ZNF385D: variants seen among roughly 807,000 people sequenced by gnomAD.
The protein encoded by ZNF385D is zinc finger protein 385D.
A neutral mutation model predicts 35.8 loss-of-function variants in ZNF385D; 15 were observed. The ratio of observed to expected loss-of-function variants is 0.42; its 90% CI spans 0.28 to 0.64. The LOEUF (loss-of-function observed/expected upper bound fraction) is 0.64, where lower values mean the gene tolerates loss of function less well. ZNF385D is among the 30% of genes least tolerant of loss of function. ZNF385D has a pLI of 0.23. For missense variants in ZNF385D, 474 were observed against 494.6 expected (o/e 0.96, Z 0.39); for synonymous variants, 212 against 186.8 (o/e 1.13, Z -1.10).
At chr3:21,859,929 C>G (rs1208196077) in intron 3 of ZNF385D, among the ~76,000 whole-genome samples, 2 of 151,916 alleles carry the variant, frequency 1.3e-5, no homozygotes, top group African/African-American at 2.4e-5. Flanking sequence ...GAGGATGTCA[C>G]GCTCTGCATC....
intron 3 of ZNF385D, among the ~76,000 whole-genome samples, chr3:21,908,055 A>G (rs758958826): frequency 6.6e-6 from 1 of 152,130 alleles, no homozygotes; most frequent in Non-Finnish European, 1.5e-5. Context: ...TTAAAACATT[A>G]CTGATAGTAA....
chr3:21,704,467 C>T (rs139426169), intron 1 of ZNF385D, among the ~76,000 whole-genome samples: 3 of 152,164 alleles, frequency 2.0e-5, no homozygotes, highest in Middle Eastern at 3.4e-3. Flanking sequence ...CATGTTATTT[C>T]ATAGCCTTTA....
intron 3 of ZNF385D, among the ~76,000 whole-genome samples, chr3:21,903,837 G>A (rs1319547880): frequency 1.3e-5 from 2 of 152,064 alleles, no homozygotes; most frequent in African/African-American, 4.8e-5. Context: ...GTGAGAAACT[G>A]GGGGTGATAA....
chr3:21,511,436 A>G (rs534753990), intron 3 of ZNF385D, among the ~76,000 whole-genome samples: 56 of 152,296 alleles, frequency 3.7e-4, no homozygotes, highest in African/African-American at 1.3e-3. Flanking sequence ...TTCTCTTTCT[A>G]CAATGTGTCT....
At chr3:21,599,199 TC>T (rs571320608) in intron 2 of ZNF385D, among the ~76,000 whole-genome samples, 38 of 152,196 alleles carry the variant, frequency 2.5e-4, no homozygotes, top group Non-Finnish European at 5.3e-4. Context: ...AGCCATTTGA[TC>T]AATTTGGCTG....
intron 3 of ZNF385D, among the ~76,000 whole-genome samples, chr3:22,129,065 T>C (rs1276925680): frequency 6.6e-6 from 1 of 152,196 alleles, no homozygotes; most frequent in East Asian, 1.9e-4. Flanking sequence ...GCCCAGCAAC[T>C]CTAAGACTCT....
intron 2 of ZNF385D, among the ~76,000 whole-genome samples, chr3:22,287,916 T>C (rs2125392278): frequency 6.6e-6 from 1 of 152,218 alleles, no homozygotes; most frequent in East Asian, 1.9e-4. Context: ...AAAAATTTTG[T>C]TAGCACTTTT....
chr3:22,200,324 T>C (rs1398121783), intron 2 of ZNF385D, among the ~76,000 whole-genome samples: 1 of 152,012 alleles, frequency 6.6e-6, no homozygotes, highest in African/African-American at 2.4e-5. Context: ...AAGAGAGAAA[T>C]TTTAAAACTG....
intron 3 of ZNF385D, among the ~76,000 whole-genome samples, chr3:22,146,795 A>C (rs1704888702): frequency 6.6e-6 from 1 of 152,156 alleles, no homozygotes; most frequent in Non-Finnish European, 1.5e-5. Context: ...TGCTGAGTAG[A>C]CCAAAATAAT....
rs184842547 is a variant in ZNF385D at position 22,339,948 on chromosome 3, C to A, written c.106+32502G>T. On this transcript the variant is annotated intron_variant, in intron 2 of 5. Coordinates refer to the ZNF385D transcript ENST00000494108. ...CCTTCTCTGTACCATTTGTTGTTTT[C>A]TCTTCCATTTCCCACTTTCTGTGAC... is the stretch of plus-strand genomic sequence containing the variant. 4.6e-5 allele frequency among the ~76,000 whole-genome samples: 7 copies of A among 152,324 alleles called. No homozygotes were observed. In the East Asian group the frequency reaches 1.3e-3, roughly 29 times the overall value.
At chr3:21,490,417 G>A (rs530054334) in intron 4 of ZNF385D, among the ~76,000 whole-genome samples, 4 of 152,008 alleles carry the variant, frequency 2.6e-5, no homozygotes, top group South Asian at 2.1e-4. Context: ...CCCACCTCAC[G>A]TGCTCTTCTT....
intron 1 of ZNF385D, among the ~76,000 whole-genome samples, chr3:21,703,777 T>G (rs1265507054): frequency 6.6e-6 from 1 of 152,172 alleles, no homozygotes; most frequent in Non-Finnish European, 1.5e-5. Context: ...TGTTGTTATT[T>G]GTAGCATCTT....
At chr3:21,446,372 G>A (rs1030399334) in intron 4 of ZNF385D, among the ~76,000 whole-genome samples, 26 of 151,996 alleles carry the variant, frequency 1.7e-4, no homozygotes, top group Middle Eastern at 3.4e-3. Flanking sequence ...GGGACTTTCA[G>A]TGCTAAAATT....
Position 22,007,139 on chromosome 3 carries a change from A to G in ZNF385D, c.325+161678T>C, listed in dbSNP as rs536087670. Among the ~76,000 whole-genome samples, 78 of 152,288 alleles carry G rather than the reference A, an allele frequency of 5.1e-4. No homozygotes were observed. In the South Asian group the frequency reaches 0.015, roughly 28 times the overall value. On this transcript the variant is annotated intron_variant, in intron 3 of 5. Coordinates refer to the ZNF385D transcript ENST00000494108. Reference sequence around the variant, plus strand: ...AAAAAGTATTCTCAGAGAAGTTTCAATCTCATCCATACACCTTCTACTCCA... The same window carrying G: ...AAAAAGTATTCTCAGAGAAGTTTCAGTCTCATCCATACACCTTCTACTCCA...
chr3:21,456,632 T>C (rs1430612529), intron 4 of ZNF385D, among the ~76,000 whole-genome samples: 1 of 152,112 alleles, frequency 6.6e-6, no homozygotes, highest in Non-Finnish European at 1.5e-5. Context: ...ATATACCTAA[T>C]GTAAATGACA....
At position 22,002,721 on chromosome 3, in the gene ZNF385D, A is replaced by G. The variant is rs144555018; in HGVS notation, c.325+166096T>C. ...ATACTAGCAAACTGAATTCAACAACACTTCAAAAGATAATACACCAGGATC... is the reference window on the plus strand; with the variant it reads ...ATACTAGCAAACTGAATTCAACAACGCTTCAAAAGATAATACACCAGGATC... On this transcript the variant is annotated intron_variant, in intron 3 of 5. Transcript: ENST00000494108. Among the ~76,000 whole-genome samples, 401 of 152,224 alleles carry G rather than the reference A, an allele frequency of 2.6e-3. 1 individual carries two copies. The highest frequency in any genetic ancestry group is 0.01 in the Middle Eastern group (3 of 294).
At chr3:22,217,629 T>A (rs1451186539) in intron 2 of ZNF385D, among the ~76,000 whole-genome samples, 1 of 152,164 alleles carries the variant, frequency 6.6e-6, no homozygotes, top group African/African-American at 2.4e-5. Context: ...ATATTTTGTG[T>A]TAAAAGATTT....
At chr3:21,974,539 A>C (rs996753577) in intron 3 of ZNF385D, among the ~76,000 whole-genome samples, 1 of 152,146 alleles carries the variant, frequency 6.6e-6, no homozygotes, top group African/African-American at 2.4e-5. Context: ...AATACTCTAC[A>C]AGCACAAGCA....
intron 3 of ZNF385D, among the ~76,000 whole-genome samples, chr3:22,094,397 T>TATAGCAACAATATATATTGTTG (rs1701501252): frequency 8.0e-6 from 1 of 125,244 alleles, no homozygotes; most frequent in Non-Finnish European, 1.9e-5. Flanking sequence ...TATATATATA[T>TATAGCAACAATATATATTGTTG]ATATATATAT....
Sources: allele counts gnomAD v4.1 joint callset (sites outside exome capture counted in the v4.1 genomes callset), GRCh38; gene constraint gnomAD v4.1.1; transcripts MANE v1.5; gene names NCBI Gene and HGNC (gene_info 2026-07-23, HGNC 2026-07-21).